The following CDK14 variants were observed in gnomAD, a reference collection of about 807,000 sequenced individuals.
CDK14 encodes the protein cyclin dependent kinase 14.
CDK14 carries 34 observed loss-of-function variants against 60.7 expected under a neutral mutation model. The ratio of observed to expected loss-of-function variants is 0.56; its 90% CI spans 0.43 to 0.75. CDK14 has a LOEUF of 0.75. CDK14 is among the 30% of genes least tolerant of loss of function. The probability of loss-of-function intolerance (pLI) is 0.00; values close to 1 mark genes in which losing one functional copy is unlikely to be tolerated. For synonymous variants in CDK14, 197 were observed against 203.7 expected, an observed-to-expected ratio of 0.97 and a Z score of 0.28; for missense variants, 482 against 564.1, an observed-to-expected ratio of 0.85 and a Z score of 1.47.
At chr7:91,026,536 T>C (rs1461534713) in intron 10 of CDK14, among the ~76,000 whole-genome samples, 1 of 152,204 alleles carries the variant, frequency 6.6e-6, no homozygotes, top group Non-Finnish European at 1.5e-5. Context: ...ATCTTCATTC[T>C]GTCTTTCATA....
At chr7:90,723,753 T>C (rs999907302) in intron 2 of CDK14, among the ~76,000 whole-genome samples, 5 of 152,196 alleles carry the variant, frequency 3.3e-5, no homozygotes, top group African/African-American at 1.2e-4. Context: ...GATTTGTGAA[T>C]GTTAAGCCAA....
intron 14 of CDK14, among the ~76,000 whole-genome samples, chr7:91,149,115 T>C (rs1281539317): frequency 6.6e-6 from 1 of 152,208 alleles, no homozygotes; most frequent in Non-Finnish European, 1.5e-5. Flanking sequence ...AAAAGGTCCA[T>C]ATCAAGATAC....
intron 8 of CDK14, among the ~76,000 whole-genome samples, chr7:90,939,048 T>C (rs1175261849): frequency 6.6e-6 from 1 of 152,254 alleles, no homozygotes; most frequent in Non-Finnish European, 1.5e-5. Flanking sequence ...TTTTTGCTCC[T>C]TTAACAAAAT....
At chr7:90,744,005 TC>T (rs1035341607) in intron 3 of CDK14, among the ~76,000 whole-genome samples, 4 of 152,182 alleles carry the variant, frequency 2.6e-5, no homozygotes, top group Admixed American at 6.5e-5. Context: ...TTAACTTTAT[TC>T]TTTTTTTTTA....
chr7:90,996,745 A>G (rs914024541), intron 10 of CDK14, among the ~76,000 whole-genome samples: 1 of 152,202 alleles, frequency 6.6e-6, no homozygotes, highest in Non-Finnish European at 1.5e-5. Flanking sequence ...TATTTTAGAT[A>G]TACCATTCAA....
intron 11 of CDK14, among the ~76,000 whole-genome samples, chr7:91,063,676 G>C (rs528604366): frequency 2.0e-5 from 3 of 152,182 alleles, no homozygotes; most frequent in Non-Finnish European, 4.4e-5. Context: ...TATATATCGG[G>C]AGTTAGAGGA....
At chr7:91,097,668 G>A (rs1172326787) in intron 12 of CDK14, among the ~76,000 whole-genome samples, 5 of 152,086 alleles carry the variant, frequency 3.3e-5, no homozygotes, top group Admixed American at 1.3e-4. Context: ...TTTGAGGCGT[G>A]TAATGGGCTC....
In CDK14 at chr7:90,935,817, G is replaced by A. The variant is rs147407135; in HGVS notation, c.826+18093G>A. 5.9e-5 allele frequency among the ~76,000 whole-genome samples: 9 copies of A among 152,270 alleles called. No individual in the cohort carries two copies. The East Asian group carries it at 1.7e-3, about 29-fold the overall frequency. The stretch of plus-strand genomic sequence containing the variant: ...TAATCCCAGTGCTTTGGGAGGCTGA[G>A]GTGGGAAGATGGCTTGACTTCAGGA... On this transcript the variant is annotated intron_variant, in intron 8 of 14. Coordinates refer to ENST00000380050, the MANE Select transcript of CDK14 (RefSeq NM_001287135.2).
chr7:90,773,871 CCTCTCCTCT>C (rs1804893349), intron 4 of CDK14, among the ~76,000 whole-genome samples: 1 of 115,046 alleles, frequency 8.7e-6, no homozygotes, highest in African/African-American at 3.2e-5. Context: ...CCTCTCCTCT[CCTCTCCTCT>C]CCTCTCCTCT....
chr7:90,812,767 C>T (rs1299812177), intron 5 of CDK14, among the ~76,000 whole-genome samples: 1 of 152,118 alleles, frequency 6.6e-6, no homozygotes, highest in Non-Finnish European at 1.5e-5. Context: ...ACCAACAATA[C>T]CAAGTGTTTC....
intron 11 of CDK14, among the ~76,000 whole-genome samples, chr7:91,061,616 ACAGT>A (rs1430052208): frequency 2.0e-5 from 3 of 152,054 alleles, no homozygotes; most frequent in African/African-American, 7.2e-5. Context: ...TTTCCTTCTA[ACAGT>A]CAGGACCCTC....
At chr7:90,951,687 A>G (rs1794268303) in intron 8 of CDK14, among the ~76,000 whole-genome samples, 1 of 152,252 alleles carries the variant, frequency 6.6e-6, no homozygotes, top group African/African-American at 2.4e-5. Flanking sequence ...TATAAGTTCT[A>G]GTTTACATCT....
intron 4 of CDK14, among the ~76,000 whole-genome samples, chr7:90,750,958 A>C (rs895595587): frequency 6.6e-6 from 1 of 152,250 alleles, no homozygotes; most frequent in African/African-American, 2.4e-5. Flanking sequence ...TCAGAGCTTG[A>C]AGACCAATCT....
At chr7:90,671,092 C>G (rs574231986) in intron 2 of CDK14, among the ~76,000 whole-genome samples, 1 of 152,244 alleles carries the variant, frequency 6.6e-6, no homozygotes, top group East Asian at 1.9e-4. Flanking sequence ...GGTGCCCCGG[C>G]TCTCCTGGAA....
chr7:90,987,232 G>C (rs1795398089), intron 10 of CDK14, among the ~76,000 whole-genome samples: 1 of 151,778 alleles, frequency 6.6e-6, no homozygotes, highest in South Asian at 2.1e-4. Context: ...GGTATTCAGA[G>C]ACCTTTGAGC....
intron 7 of CDK14, among the ~76,000 whole-genome samples, chr7:90,912,811 C>T (rs1159455921): frequency 6.6e-6 from 1 of 152,000 alleles, no homozygotes; most frequent in Non-Finnish European, 1.5e-5. Flanking sequence ...ATAGTTTTGC[C>T]ATGTTGTCTA....
chr7:90,748,045 C>T (rs533177929), intron 4 of CDK14, among the ~76,000 whole-genome samples: 28 of 151,888 alleles, frequency 1.8e-4, no homozygotes, highest in Admixed American at 1.5e-3. Flanking sequence ...GAGTTGGAAC[C>T]GTCTAATGAG....
chr7:90,868,963 G>A (rs902840333), intron 6 of CDK14, among the ~76,000 whole-genome samples: 9 of 152,118 alleles, frequency 5.9e-5, no homozygotes, highest in African/African-American at 2.2e-4. Flanking sequence ...GATGGTCTAA[G>A]GTATGTATGA....
intron 11 of CDK14, among the ~76,000 whole-genome samples, chr7:91,061,105 A>G (rs1797770748): frequency 6.6e-6 from 1 of 152,092 alleles, no homozygotes; most frequent in Non-Finnish European, 1.5e-5. Flanking sequence ...ATTTCTTTGT[A>G]TTCTTTTTTC....
Sources: allele counts gnomAD v4.1 joint callset (sites outside exome capture counted in the v4.1 genomes callset), GRCh38; gene constraint gnomAD v4.1.1; transcripts MANE v1.5; gene names NCBI Gene and HGNC (gene_info 2026-07-23, HGNC 2026-07-21).